Variants in INO80 observed in about 807,000 individuals in gnomAD.
The protein encoded by INO80 is chromatin-remodeling ATPase INO80.
In INO80, 20 loss-of-function variants were observed where a neutral mutation model predicts 203.4. The observed-to-expected ratio is 0.10, with a 90% confidence interval of 0.07 to 0.14. INO80 has a LOEUF of 0.14. Ranked by LOEUF, INO80 falls within the 10% of genes least tolerant of loss-of-function variation. INO80 has a pLI of 1.00. For synonymous variants in INO80, 726 were observed against 685.2 expected, an observed-to-expected ratio of 1.06 and a Z score of -0.93; for missense variants, 1,419 against 1,914.4, an observed-to-expected ratio of 0.74 and a Z score of 4.83.
intron 9 of INO80, among the ~76,000 whole-genome samples, chr15:41,078,047 C>G (rs2045431717): frequency 6.6e-6 from 1 of 151,870 alleles, no homozygotes; most frequent in African/African-American, 2.4e-5. Flanking sequence ...TTACAGGCGG[C>G]CGCCACCATG....
intron 27 of INO80, among the ~76,000 whole-genome samples, chr15:41,006,709 T>A (rs972033663): frequency 1.3e-5 from 2 of 152,346 alleles, no homozygotes; most frequent in Middle Eastern, 3.4e-3. Context: ...GGCAGAGGTC[T>A]CTGGCTAGGG....
intron 9 of INO80, among the ~76,000 whole-genome samples, chr15:41,078,054 C>T (rs1254958026): frequency 3.3e-5 from 5 of 152,110 alleles, no homozygotes; most frequent in Non-Finnish European, 7.4e-5. Context: ...CGGCCGCCAC[C>T]ATGCCCGGCT....
rs2044842200 is a variant in INO80 at position 41,050,060 on chromosome 15, G to C, written c.2317C>G (p.Leu773Val). Residue 773 changes from leucine (L) to valine (V), a missense_variant, in exon 20 of 36, where the codon CTG becomes GTG. This residue lies in a region of INO80 where 192 missense variants were observed against 406.7 expected (regional missense o/e 0.47). Transcript: ENST00000648947. ...TTGTTCTTTAGTGCCTGATATAGCA[G>C]CTTCTGTCGGCTGGTCAGTTGGCAA... ...MYCQLTSRQK[L>V]LYQALKNKIS... 6.2e-7 allele frequency: 1 copy of C among 1,613,596 alleles called. No homozygotes were observed. The highest frequency in any genetic ancestry group is 8.5e-7 in the Non-Finnish European group (1 of 1,179,524).
rs1215148202 is a variant in INO80, at chr15:40,987,034, G to C, written c.3832+57C>G. 7.9e-6 allele frequency: 8 copies of C among 1,018,828 alleles called. No homozygotes were observed. The Admixed American group carries it at 1.2e-4, about 16-fold the overall frequency. 63.1% of individuals were successfully genotyped at this position (1,018,828 alleles called of 1,614,324 possible). Reference sequence around the variant, plus strand: ...TTGCCTACCCTTGGCACACAGCCAAGTACCTCTTCCATTCTCAGATACGTG... The same window carrying C: ...TTGCCTACCCTTGGCACACAGCCAACTACCTCTTCCATTCTCAGATACGTG... On this transcript the variant is annotated intron_variant, in intron 31 of 35. Coordinates refer to ENST00000648947, the MANE Select transcript of INO80 (RefSeq NM_017553.3).
intron 7 of INO80, among the ~76,000 whole-genome samples, chr15:41,081,936 C>T (rs1230431326): frequency 5.3e-5 from 8 of 152,042 alleles, no homozygotes; most frequent in Non-Finnish European, 1.2e-4. Flanking sequence ...AAGCCAGGAA[C>T]CTCAAATATT....
intron 7 of INO80, among the ~76,000 whole-genome samples, 156 bp downstream of exon 7, chr15:41,085,213 C>T (rs2045542544): frequency 6.6e-6 from 1 of 152,168 alleles, no homozygotes; most frequent in African/African-American, 2.4e-5. Context: ...AAACTGTTAA[C>T]TGAAAGAGTA....
intron 7 of INO80, among the ~76,000 whole-genome samples, chr15:41,081,372 TA>T (rs1211725670): frequency 6.6e-5 from 10 of 152,182 alleles, no homozygotes; most frequent in Non-Finnish European, 1.3e-4. Context: ...TTACAATACC[TA>T]AACCTTAGCA....
chr15:41,020,913 G>T lies in INO80; in HGVS notation c.3261C>A (p.Phe1087Leu). 6.2e-7 allele frequency: 1 copy of T among 1,610,788 alleles called. No homozygotes were observed. The highest frequency in any genetic ancestry group is 8.5e-7 in the Non-Finnish European group (1 of 1,177,182). Residue 1087 changes from phenylalanine to leucine, a missense_variant, in exon 26 of 36, where the codon TTC (phenylalanine) becomes TTA (leucine). Phe to Leu is a conservative substitution (Grantham distance 22). This residue lies in a region of INO80 where 302 missense variants were observed against 345.4 expected (regional missense o/e 0.87). Transcript: ENST00000648947. ...TTGAGAACTCACCTGGAATCCTGAT[G>T]AAAGACCAGCCATTCTGAGGTCTGA... ...WSIRPQNGWS[F>L]IRIPGKESLI...
chr15:41,032,381 A>C (rs1378031759), intron 24 of INO80, among the ~76,000 whole-genome samples: 3 of 152,188 alleles, frequency 2.0e-5, no homozygotes, highest in African/African-American at 7.2e-5. Context: ...GGATATTTTA[A>C]GCATCCAAAC....
intron 24 of INO80, among the ~76,000 whole-genome samples, chr15:41,039,570 G>T (rs1428412757): frequency 6.6e-6 from 1 of 152,088 alleles, no homozygotes; most frequent in Non-Finnish European, 1.5e-5. Flanking sequence ...TCTCCTTGCT[G>T]GACTGGACTA....
At chr15:41,091,094 T>C (rs924338584) in intron 5 of INO80, among the ~76,000 whole-genome samples, 3 of 152,036 alleles carry the variant, frequency 2.0e-5, no homozygotes, top group African/African-American at 7.2e-5. Flanking sequence ...CCAGCTAATT[T>C]TGTATTTTTA....
At chr15:41,036,443 T>C (rs1403864374) in intron 24 of INO80, among the ~76,000 whole-genome samples, 1 of 152,042 alleles carries the variant, frequency 6.6e-6, no homozygotes, top group Non-Finnish European at 1.5e-5. Flanking sequence ...AGGGCAAAAA[T>C]AACTAAGTGC....
At chr15:41,050,488 T>C (rs1285672001) in intron 19 of INO80, among the ~76,000 whole-genome samples, 1 of 152,220 alleles carries the variant, frequency 6.6e-6, no homozygotes. Flanking sequence ...CAGTTCTCTT[T>C]TCCACAATTT....
At chr15:41,086,934 C>G (rs564002452) in intron 6 of INO80, among the ~76,000 whole-genome samples, 392 of 152,266 alleles carry the variant, frequency 2.6e-3, no homozygotes, top group Middle Eastern at 0.014. Flanking sequence ...TATCCCAGAA[C>G]ATTTGCAATA....
intron 7 of INO80, among the ~76,000 whole-genome samples, chr15:41,083,812 A>G (rs745785710): frequency 6.6e-6 from 1 of 152,134 alleles, no homozygotes; most frequent in Non-Finnish European, 1.5e-5. Flanking sequence ...ATGCAGATCT[A>G]GTTTTATCTA....
intron 13 of INO80, among the ~76,000 whole-genome samples, 190 bp downstream of exon 13, chr15:41,070,277 A>ATTG (rs1201043719): frequency 6.6e-6 from 1 of 152,232 alleles, no homozygotes; most frequent in Non-Finnish European, 1.5e-5. Flanking sequence ...ATGCTCAAAA[A>ATTG]TTGTCCTAGC....
In INO80 at chr15:40,980,454, G is replaced by C. The variant is rs771374693; in HGVS notation, c.4454-14C>G. 5.2e-5 allele frequency: 84 copies of C among 1,601,026 alleles called. 1 individual carries two copies. In the South Asian group the frequency reaches 9.1e-4, roughly 17 times the overall value. On this transcript the variant is annotated splice_polypyrimidine_tract_variant and intron_variant, in intron 35 of 35. Transcript: ENST00000648947. ...TGGCGGAGATTCCTGTGGGGACGGA[G>C]AGAGACAAGAACGTAAGCACCAGTC...
chr15:41,006,922 G>A lies in INO80; in HGVS notation c.3403-1235C>T, dbSNP rs185905068. On this transcript the variant is annotated intron_variant, in intron 27 of 35. Transcript: ENST00000648947. ...TCATACTTAGTGGTATTGCTATATC[G>A]TAGGACTGAACTAATGGCAGAAGGG... Among the ~76,000 whole-genome samples, 161 of 152,176 alleles carry A rather than the reference G, an allele frequency of 1.1e-3. 1 individual carries two copies. Among genetic ancestry groups the A allele is most frequent in the African/African-American group, 3.8e-3 (157 of 41,516 alleles).
intron 14 of INO80, among the ~76,000 whole-genome samples, chr15:41,067,589 G>C (rs897605877): frequency 2.6e-5 from 4 of 152,098 alleles, no homozygotes; most frequent in Admixed American, 2.6e-4. Context: ...TCCTTATACA[G>C]TTTCTACATC....
Sources: allele counts gnomAD v4.1 joint callset (sites outside exome capture counted in the v4.1 genomes callset), GRCh38; gene constraint gnomAD v4.1.1; regional missense constraint gnomAD v4.1.1; transcripts MANE v1.5; gene names NCBI Gene and HGNC (gene_info 2026-07-23, HGNC 2026-07-21).